Variants in KIAA1217 observed in about 807,000 individuals in gnomAD.
KIAA1217 encodes sickle tail protein homolog.
A neutral mutation model predicts 163.9 loss-of-function variants in KIAA1217; 88 were observed. The ratio of observed to expected loss-of-function variants is 0.54; its 90% confidence interval spans 0.45 to 0.64. KIAA1217 has a LOEUF of 0.64. Ranked by LOEUF, KIAA1217 falls within the 30% of genes least tolerant of loss-of-function variation. The probability of loss-of-function intolerance (pLI) is 0.00; values close to 1 mark genes in which losing one functional copy is unlikely to be tolerated. For missense variants in KIAA1217, 2,372 were observed against 2,475.0 expected (o/e 0.96, Z 0.88); for synonymous variants, 903 against 923.1 (o/e 0.98, Z 0.39).
chr10:24,400,674 A>C (rs1433283846), intron 3 of KIAA1217, among the ~76,000 whole-genome samples: 1 of 152,156 alleles, frequency 6.6e-6, no homozygotes, highest in Non-Finnish European at 1.5e-5. Context: ...AATCAGGATC[A>C]TTGAAATCCC....
At chr10:24,044,225 CTA>C (rs1407808900) in intron 2 of KIAA1217, among the ~76,000 whole-genome samples, 3 of 152,148 alleles carry the variant, frequency 2.0e-5, no homozygotes, top group Non-Finnish European at 4.4e-5. Flanking sequence ...GCAAATCGGA[CTA>C]TGAGTCTCTT....
intron 9 of KIAA1217, among the ~76,000 whole-genome samples, chr10:24,502,724 G>A (rs1208429574): frequency 1.3e-5 from 2 of 152,194 alleles, no homozygotes; most frequent in Admixed American, 6.5e-5. Context: ...CAGGTGTCAT[G>A]GCTCATGCCT....
At chr10:23,987,594 C>T (rs963579020) in intron 1 of KIAA1217, among the ~76,000 whole-genome samples, 2 of 143,946 alleles carry the variant, frequency 1.4e-5, no homozygotes, top group Non-Finnish European at 3.0e-5. Context: ...CATTACCTCA[C>T]ATTCTTATTT....
At chr10:23,850,942 A>G (rs925493361) in intron 1 of KIAA1217, among the ~76,000 whole-genome samples, 3 of 152,082 alleles carry the variant, frequency 2.0e-5, no homozygotes, top group Admixed American at 1.3e-4. Context: ...TGAGAACAGC[A>G]AGGGGGAAAT....
At chr10:24,325,658 G>C (rs1206361797) in intron 2 of KIAA1217, among the ~76,000 whole-genome samples, 1 of 152,158 alleles carries the variant, frequency 6.6e-6, no homozygotes, top group Non-Finnish European at 1.5e-5. Flanking sequence ...GATTTGTCTG[G>C]TCTGGCTATA....
chr10:24,007,159 A>T (rs1847039038), intron 1 of KIAA1217: 1 of 147,118 alleles, frequency 6.8e-6, no homozygotes, highest in Admixed American at 6.8e-5. Flanking sequence ...TTTGCTATCC[A>T]CTTGAGTTTT....
chr10:23,918,739 C>CACACACACACACACACACAT (rs1842727884), intron 1 of KIAA1217, among the ~76,000 whole-genome samples: 1 of 118,866 alleles, frequency 8.4e-6, no homozygotes, highest in African/African-American at 3.1e-5. Context: ...TATATACACA[C>CACACACACACACACACACAT]ACACACACAC....
At chr10:24,397,080 G>GAT (rs544112468) in intron 3 of KIAA1217, among the ~76,000 whole-genome samples, 125 of 150,816 alleles carry the variant, frequency 8.3e-4, no homozygotes, top group Admixed American at 2.0e-3. Flanking sequence ...TTTGTGTTCT[G>GAT]ATGGAGAAGG....
intron 1 of KIAA1217, among the ~76,000 whole-genome samples, chr10:23,897,928 A>AT (rs1352915961): frequency 1.3e-5 from 2 of 151,906 alleles, no homozygotes; most frequent in Admixed American, 6.6e-5. Context: ...CAATTTTTAA[A>AT]TTTTTTTTTA....
intron 2 of KIAA1217, among the ~76,000 whole-genome samples, chr10:24,334,923 TTCC>T (rs1275752648): frequency 1.3e-5 from 2 of 152,210 alleles, no homozygotes; most frequent in African/African-American, 4.8e-5. Context: ...ATTAAAGAAC[TTCC>T]TCTGTAAGCA....
At chr10:24,359,234 C>T (rs1218546897) in intron 2 of KIAA1217, among the ~76,000 whole-genome samples, 1 of 151,864 alleles carries the variant, frequency 6.6e-6, no homozygotes, top group African/African-American at 2.4e-5. Context: ...GGACTACAGG[C>T]GTGTGCCACA....
intron 1 of KIAA1217, among the ~76,000 whole-genome samples, chr10:23,843,576 C>T (rs962403803): frequency 6.6e-6 from 1 of 152,134 alleles, no homozygotes; most frequent in Non-Finnish European, 1.5e-5. Flanking sequence ...TCCAGATCCA[C>T]TCTGTCCTTC....
intron 1 of KIAA1217, among the ~76,000 whole-genome samples, chr10:23,911,606 A>G (rs1439423842): frequency 1.3e-5 from 2 of 152,162 alleles, no homozygotes; most frequent in African/African-American, 4.8e-5. Context: ...ATACCTAAAT[A>G]AAGTTTGAAG....
chr10:23,729,513 T>C (rs1054360234), intron 1 of KIAA1217, among the ~76,000 whole-genome samples: 2 of 152,158 alleles, frequency 1.3e-5, no homozygotes, highest in Non-Finnish European at 2.9e-5. Context: ...TACTAGTATC[T>C]CATTTTTGTT....
Position 24,536,816 on chromosome 10 carries a change from C to T in KIAA1217, c.3457C>T (p.His1153Tyr). 6.2e-7 allele frequency: 1 copy of T among 1,613,870 alleles called. No homozygotes were observed. Among genetic ancestry groups the T allele is most frequent in the Non-Finnish European group, 8.5e-7 (1 of 1,179,856 alleles). ...CTTTATGGATGTAAATTCAAACAGT[C>T]ATGCTGAGCCATCCCGGGCTGACAG... is the stretch of plus-strand genomic sequence containing the variant. Reference protein sequence around the residue: ...CSFMDVNSNSHAEPSRADSHV... With the variant: ...CSFMDVNSNSYAEPSRADSHV... Residue 1153 changes from histidine (H) to tyrosine (Y), a missense_variant, in exon 17 of 21, where the codon CAT becomes TAT. This residue lies in a region of KIAA1217 where 251 missense variants were observed against 327.3 expected (regional missense o/e 0.77). Coordinates refer to ENST00000376454, the MANE Select transcript of KIAA1217 (RefSeq NM_019590.5).
intron 2 of KIAA1217, among the ~76,000 whole-genome samples, chr10:24,091,663 G>A (rs772905310): frequency 2.5e-4 from 38 of 151,780 alleles, no homozygotes; most frequent in Non-Finnish European, 4.4e-4. Context: ...GAGTGTTTTT[G>A]TAGAAACTAG....
At chr10:24,197,503 C>T (rs182577279) in intron 2 of KIAA1217, among the ~76,000 whole-genome samples, 1 of 152,318 alleles carries the variant, frequency 6.6e-6, no homozygotes, top group Admixed American at 6.5e-5. Context: ...GTAGCACTGA[C>T]CAAAGTCAAT....
intron 1 of KIAA1217, among the ~76,000 whole-genome samples, chr10:23,724,081 A>G (rs982485370): frequency 2.0e-5 from 3 of 152,064 alleles, no homozygotes; most frequent in Non-Finnish European, 2.9e-5. Flanking sequence ...ACTCCTAAGA[A>G]CTCACTCACT....
rs1026470255 is a variant in KIAA1217, at chr10:24,472,889, T to G, written c.847-339T>G. ...TCCAGCTTCTAGCAGCTGCCCACAT[T>G]CCTTGGCTCATGGCCCCTTCTCATA... On this transcript the variant is annotated intron_variant, in intron 5 of 20. Coordinates refer to ENST00000376454, the MANE Select transcript of KIAA1217 (RefSeq NM_019590.5). Among the ~76,000 whole-genome samples, 3 of 152,272 alleles carry G rather than the reference T, an allele frequency of 2.0e-5. No individual in the cohort carries two copies. In the South Asian group the frequency reaches 6.2e-4, roughly 32 times the overall value.
Sources: gnomAD v4.1 joint callset for allele counts (sites outside exome capture counted in the v4.1 genomes callset) on GRCh38, gnomAD v4.1.1 for gene constraint, gnomAD v4.1.1 regional missense constraint, MANE v1.5 for transcripts, NCBI Gene and HGNC (gene_info 2026-07-23, HGNC 2026-07-21) for gene names.